The following NHSL1 variants were observed in gnomAD, a reference collection of about 807,000 sequenced individuals.
NHSL1 encodes the protein NHS-like protein 1.
NHSL1 carries 48 observed loss-of-function variants against 95.0 expected under a neutral mutation model. That is an observed-to-expected ratio of 0.51 (90% CI 0.40 to 0.64). The LOEUF (loss-of-function observed/expected upper bound fraction) is 0.64. NHSL1 is among the 30% of genes least tolerant of loss of function. The pLI is 0.00. For synonymous variants in NHSL1, 783 were observed against 833.9 expected (o/e 0.94, Z 1.05); for missense variants, 1,971 against 2,077.7 (o/e 0.95, Z 1.00).
At chr6:138,668,865 A>G (rs6938225) in intron 1 of NHSL1, among the ~76,000 whole-genome samples, 4,835 of 152,046 alleles carry the variant, frequency 0.032, 205 homozygotes, top group African/African-American at 0.094. Context: ...CTTGTGATCC[A>G]CCCACCTCGG....
At chr6:138,561,982 C>T (rs569985102) in intron 1 of NHSL1, among the ~76,000 whole-genome samples, 95 of 152,290 alleles carry the variant, frequency 6.2e-4, no homozygotes, top group Non-Finnish European at 3.5e-4. Flanking sequence ...CAAATGTCAG[C>T]GATGAACTGA....
At position 138,433,415 on chromosome 6, in the gene NHSL1, G is replaced by A. The variant is rs116279633; in HGVS notation, c.930C>T (p.Ile310=). ...CACTGTCAAGGCGGGAAGGGAATAC[G>A]ATCCCTGCAGAATCGCTCAGCACAG... The part of the protein sequence containing the change: ...NMSVLSDSAG[I]VFPSRLDSDA... Residue 310 remains isoleucine, a synonymous_variant, in exon 6 of 8, where the codon ATC becomes ATT. Transcript: ENST00000343505. 7.2e-3 allele frequency: 11,106 copies of A among 1,552,232 alleles called. 621 individuals are homozygous for A. The African/African-American group carries it at 0.13, about 18-fold the overall frequency.
chr6:138,526,105 A>G (rs796999444), intron 1 of NHSL1, among the ~76,000 whole-genome samples: 28 of 152,084 alleles, frequency 1.8e-4, no homozygotes, highest in African/African-American at 5.8e-4. Flanking sequence ...AAAAAAAAAA[A>G]AAAGAAAATA....
chr6:138,555,845 C>A (rs570393105), intron 1 of NHSL1, among the ~76,000 whole-genome samples: 2 of 152,326 alleles, frequency 1.3e-5, no homozygotes, highest in South Asian at 4.1e-4. Flanking sequence ...AAGGAACACA[C>A]TCTCAATACC....
At chr6:138,619,052 T>C (rs1784618777) in intron 1 of NHSL1, among the ~76,000 whole-genome samples, 1 of 152,044 alleles carries the variant, frequency 6.6e-6, no homozygotes, top group African/African-American at 2.4e-5. Flanking sequence ...AAATGAAAAA[T>C]GTTGGCCAGG....
At chr6:138,511,172 A>C (rs1161743481) in intron 1 of NHSL1, among the ~76,000 whole-genome samples, 1 of 152,212 alleles carries the variant, frequency 6.6e-6, no homozygotes, top group African/African-American at 2.4e-5. Context: ...AAAGCAGAAA[A>C]ATAACAATGG....
At chr6:138,615,664 G>T (rs1784569455) in intron 1 of NHSL1, among the ~76,000 whole-genome samples, 1 of 152,206 alleles carries the variant, frequency 6.6e-6, no homozygotes, top group African/African-American at 2.4e-5. Context: ...TAGAGACGGG[G>T]GTGTCCCCGT....
At chr6:138,519,004 C>G in intron 1 of NHSL1, among the ~76,000 whole-genome samples, 2 of 151,744 alleles carry the variant, frequency 1.3e-5, no homozygotes, top group Non-Finnish European at 2.9e-5. Flanking sequence ...GGTGACAGAG[C>G]AAGACACTGT....
intron 1 of NHSL1, among the ~76,000 whole-genome samples, chr6:138,529,173 A>G (rs1396313244): frequency 6.6e-6 from 1 of 152,206 alleles, no homozygotes; most frequent in African/African-American, 2.4e-5. Flanking sequence ...CACTGGGTCA[A>G]CTATGATGTT....
chr6:138,649,340 C>A (rs924544754), intron 1 of NHSL1, among the ~76,000 whole-genome samples: 1 of 151,906 alleles, frequency 6.6e-6, no homozygotes, highest in African/African-American at 2.4e-5. Flanking sequence ...GTCAATGAAG[C>A]CATTCTGAAA....
rs1459536713 is a variant in NHSL1, at chr6:138,430,951, C to T, written c.3394G>A (p.Ala1132Thr). Residue 1132 changes from alanine (A) to threonine (T), a missense_variant, in exon 6 of 8, where the codon GCC becomes ACC. Around this residue, in one of 3 missense-constraint regions of NHSL1, gnomAD observed 1,602 missense variants for 1,654.5 expected, o/e 0.97. Coordinates refer to ENST00000343505, the MANE Select transcript of NHSL1 (RefSeq NM_001144060.2). The surrounding 1 kb of genome is among the most constrained non-coding windows in gnomAD (Gnocchi z 4.7). Reference protein sequence around the residue: ...TNEMESESQPASVTSSLPTPA... With the variant: ...TNEMESESQPTSVTSSLPTPA... ...GTCGGAAGCGAGCTTGTCACAGAGG[C>T]AGGCTGGCTTTCACTCTCCATTTCA... The T allele has an allele frequency of 2.6e-6, 4 of 1,551,594 alleles. No individual in the cohort carries two copies. The highest frequency in any genetic ancestry group is 3.5e-6 in the Non-Finnish European group (4 of 1,146,936).
upstream of NHSL1, among the ~76,000 whole-genome samples, chr6:138,575,146 G>A (rs1017326431): frequency 1.3e-4 from 20 of 152,230 alleles, no homozygotes; most frequent in African/African-American, 4.6e-4. Flanking sequence ...TGATCTGTCT[G>A]CCTCGGCCTC....
chr6:138,532,111 A>T (rs183609504), intron 1 of NHSL1, among the ~76,000 whole-genome samples: 7 of 152,340 alleles, frequency 4.6e-5, no homozygotes, highest in Admixed American at 4.6e-4. Context: ...TCTAATCTAA[A>T]GATCAGGTTG....
chr6:138,444,556 C>A (rs1776739216), intron 4 of NHSL1, among the ~76,000 whole-genome samples: 1 of 151,740 alleles, frequency 6.6e-6, no homozygotes. Context: ...TGGTGGGCTG[C>A]ACTCTGGATT....
At chr6:138,466,630 T>C (rs1267059829) in intron 3 of NHSL1, among the ~76,000 whole-genome samples, 1 of 152,198 alleles carries the variant, frequency 6.6e-6, no homozygotes, top group East Asian at 1.9e-4. Flanking sequence ...AGGCCGCATA[T>C]ATGATGGTGG....
chr6:138,692,376 CG>C lies in NHSL1; in HGVS notation c.96+99del. 3.3e-6 allele frequency: 1 copy of C among 301,932 alleles called. No individual in the cohort carries two copies. 18.7% of individuals were successfully genotyped at this position (301,932 alleles called of 1,614,324 possible). On this transcript the variant is annotated intron_variant, in intron 1 of 3. Transcript: ENST00000491526. This position sits in a 1 kb window ranked among gnomAD's most constrained non-coding sequence, Gnocchi z 4.0. ...GAGACCCCGACATCGCGGGGCTCCG[CG>C]GCCCCCGCGCCGACCCAGGGCCGCC...
At chr6:138,443,026 TATATATACACATATATATAC>T (rs983116120) in intron 4 of NHSL1, among the ~76,000 whole-genome samples, 5 of 151,276 alleles carry the variant, frequency 3.3e-5, no homozygotes, top group Admixed American at 2.6e-4. Context: ...AATATACATA[TATATATACACATATATATAC>T]ATATATACAC....
intron 1 of NHSL1, among the ~76,000 whole-genome samples, chr6:138,553,879 C>T (rs949063185): frequency 6.6e-6 from 1 of 152,174 alleles, no homozygotes; most frequent in Non-Finnish European, 1.5e-5. Context: ...AACTTCACCA[C>T]AACAAACTCA....
intron 1 of NHSL1, among the ~76,000 whole-genome samples, chr6:138,540,794 C>T (rs1782549507): frequency 6.6e-6 from 1 of 152,160 alleles, no homozygotes; most frequent in Non-Finnish European, 1.5e-5. Flanking sequence ...AGGACCCTAT[C>T]GTTCGGGGCA....
Sources: gnomAD v4.1 joint callset for allele counts (sites outside exome capture counted in the v4.1 genomes callset) on GRCh38, gnomAD v4.1.1 for gene constraint, gnomAD v4.1.1 regional missense constraint, Gnocchi (gnomAD v3.1) non-coding constraint, MANE v1.5 for transcripts, NCBI Gene and HGNC (gene_info 2026-07-23, HGNC 2026-07-21) for gene names.